Variants in MAP7 observed in about 807,000 individuals in gnomAD.
MAP7 encodes the protein ensconsin.
In MAP7, 52 loss-of-function variants were observed where a neutral mutation model predicts 94.8. The observed-to-expected ratio is 0.55, with a 90% CI of 0.44 to 0.69. The LOEUF (loss-of-function observed/expected upper bound fraction) is 0.69. Among genes scored for constraint, MAP7 ranks in the 30% least tolerant of loss-of-function variants. MAP7 has a pLI of 0.00. For missense variants in MAP7, 940 were observed against 964.6 expected, an observed-to-expected ratio of 0.97 and a Z score of 0.34; for synonymous variants, 350 against 357.0, an observed-to-expected ratio of 0.98 and a Z score of 0.22.
At chr6:136,482,788 C>T (rs920810438) in intron 1 of MAP7, among the ~76,000 whole-genome samples, 8 of 151,894 alleles carry the variant, frequency 5.3e-5, no homozygotes, top group Admixed American at 6.6e-5. Flanking sequence ...GCATGAGGTC[C>T]GAAGATGATA....
intron 3 of MAP7, among the ~76,000 whole-genome samples, chr6:136,400,096 A>G (rs1582798144): frequency 1.3e-5 from 2 of 151,264 alleles, no homozygotes; most frequent in East Asian, 1.9e-4. Context: ...CCCTCCTACA[A>G]AAAAGTTTTT....
At chr6:136,539,262 A>C (rs1829126195) in intron 1 of MAP7, among the ~76,000 whole-genome samples, 1 of 152,190 alleles carries the variant, frequency 6.6e-6, no homozygotes, top group African/African-American at 2.4e-5. Flanking sequence ...TTAAAAAGGA[A>C]GACACTGAGG....
chr6:136,482,723 C>T (rs945502431), intron 1 of MAP7, among the ~76,000 whole-genome samples: 2 of 152,128 alleles, frequency 1.3e-5, no homozygotes, highest in African/African-American at 4.8e-5. Flanking sequence ...GCACTGTCTG[C>T]TCTTACAAGA....
At chr6:136,514,445 G>T (rs912083952) in intron 1 of MAP7, among the ~76,000 whole-genome samples, 1 of 151,978 alleles carries the variant, frequency 6.6e-6, no homozygotes, top group Non-Finnish European at 1.5e-5. Flanking sequence ...AGTTAGCCAG[G>T]TGTGGTGGTG....
intron 9 of MAP7, 43 bp from the exon 10 acceptor site, chr6:136,366,061 G>A: frequency 6.3e-7 from 1 of 1,575,456 alleles, no homozygotes; most frequent in Non-Finnish European, 8.6e-7. Flanking sequence ...GGACACATGA[G>A]AACAGGCTTG....
chr6:136,439,134 CAAAATACGGTTTG>C (rs1797154344), intron 1 of MAP7, among the ~76,000 whole-genome samples: 1 of 152,066 alleles, frequency 6.6e-6, no homozygotes, highest in Non-Finnish European at 1.5e-5. Context: ...TGTATCAAAC[CAAAATACGGTTTG>C]AATGTATGTA....
chr6:136,359,374 C>T (rs1324415707), intron 15 of MAP7, among the ~76,000 whole-genome samples: 2 of 152,072 alleles, frequency 1.3e-5, no homozygotes, highest in Non-Finnish European at 2.9e-5. Flanking sequence ...AATCATTTTT[C>T]TGAGAACTTC....
chr6:136,344,176 T>G lies in MAP7; in HGVS notation c.*52A>C. ...CTTTATAGCAGGAAAGGAATTCCAT[T>G]AATTGTAGAAATTCTCATTAAATTT... is the stretch of plus-strand genomic sequence containing the variant. On this transcript the variant is annotated 3_prime_UTR_variant, in exon 18 of 18. Coordinates refer to ENST00000354570, the MANE Select transcript of MAP7 (RefSeq NM_003980.6). The G allele has an allele frequency of 9.8e-7, 1 of 1,020,106 alleles. No homozygotes were observed. Among genetic ancestry groups the G allele is most frequent in the Non-Finnish European group, 1.4e-6 (1 of 739,124 alleles). 63.2% of individuals were successfully genotyped at this position (1,020,106 alleles called of 1,614,324 possible).
intron 1 of MAP7, chr6:136,525,909 C>T (rs1827693459): frequency 6.5e-7 from 1 of 1,535,024 alleles, no homozygotes; most frequent in Non-Finnish European, 8.7e-7. Context: ...AGGAATTGGC[C>T]TTGCATTGGT....
intron 1 of MAP7, among the ~76,000 whole-genome samples, chr6:136,542,178 G>GA (rs1406080841): frequency 6.6e-6 from 1 of 152,132 alleles, no homozygotes; most frequent in Non-Finnish European, 1.5e-5. Flanking sequence ...TTACTGAAGA[G>GA]AAAATCCAAA....
Position 136,378,984 on chromosome 6 carries a change from C to T in MAP7, c.638-1116G>A, listed in dbSNP as rs147747756. ...CTCAAGCAATCCTTCCTCAGCCTCC[C>T]AAGTAGCTGGGTTTACAGGTGCATG... On this transcript the variant is annotated intron_variant, in intron 6 of 17. Transcript: ENST00000354570. Among the ~76,000 whole-genome samples, 22 of 152,244 alleles carry T rather than the reference C, an allele frequency of 1.4e-4. No homozygotes were observed. In the East Asian group the frequency reaches 3.5e-3, roughly 24 times the overall value.
chr6:136,525,804 C>T lies in MAP7; in HGVS notation c.67+24538G>A, dbSNP rs1380783349. 2.6e-6 allele frequency: 4 copies of T among 1,527,706 alleles called. 1 individual carries two copies. Among genetic ancestry groups the T allele is most frequent in the Middle Eastern group, 1.8e-4 (1 of 5,488 alleles). 94.6% of individuals were successfully genotyped at this position (1,527,706 alleles called of 1,614,324 possible). ...TGGGAGACAAGGGCTGGATCTGGCT[C>T]CGACCAAAGGGTGGAGCTAATGCAT... On this transcript the variant is annotated intron_variant, in intron 1 of 17. Coordinates refer to ENST00000354570, the MANE Select transcript of MAP7 (RefSeq NM_003980.6).
chr6:136,430,033 T>C lies in MAP7; in HGVS notation c.68-8234A>G, dbSNP rs551357974. Among the ~76,000 whole-genome samples the C allele has an allele frequency of 5.9e-5, 9 of 152,320 alleles. No individual in the cohort carries two copies. The East Asian group carries it at 1.2e-3, about 20-fold the overall frequency. ...CAAAAGGGAGGGCAAAGTCTAACCA[T>C]ATTAAAGTTTTCCAGTCACACGGAG... On this transcript the variant is annotated intron_variant, in intron 1 of 17. Coordinates refer to ENST00000354570, the MANE Select transcript of MAP7 (RefSeq NM_003980.6).
intron 1 of MAP7, among the ~76,000 whole-genome samples, chr6:136,509,910 T>C (rs1055198079): frequency 6.6e-6 from 1 of 152,136 alleles, no homozygotes; most frequent in Admixed American, 6.5e-5. Context: ...GATGTTAAGA[T>C]TGAGGTATAT....
chr6:136,542,594 G>C (rs1409844855), intron 1 of MAP7, among the ~76,000 whole-genome samples: 1 of 152,170 alleles, frequency 6.6e-6, no homozygotes, highest in African/African-American at 2.4e-5. Context: ...GAGGAAGAGA[G>C]AACTTGAATT....
intron 1 of MAP7, among the ~76,000 whole-genome samples, chr6:136,456,624 A>G (rs1476132006): frequency 6.6e-6 from 1 of 151,582 alleles, no homozygotes; most frequent in African/African-American, 2.4e-5. Flanking sequence ...GTGGTCCATG[A>G]TTATGCTATA....
In MAP7 at chr6:136,369,325, G is replaced by T. The variant is rs144097213; in HGVS notation, c.877-2886C>A. ...ACTACGACTCATGTCTGCAATCCCA[G>T]CATTTGGGGAGGCCGAGATGGGTGG... is the stretch of plus-strand genomic sequence containing the variant. On this transcript the variant is annotated intron_variant, in intron 8 of 17. Coordinates refer to ENST00000354570, the MANE Select transcript of MAP7 (RefSeq NM_003980.6). 1.7e-3 allele frequency among the ~76,000 whole-genome samples: 266 copies of T among 152,330 alleles called. 1 individual carries two copies. Among genetic ancestry groups the T allele is most frequent in the Non-Finnish European group, 2.8e-3 (191 of 68,032 alleles).
At chr6:136,421,822 A>G in intron 1 of MAP7, 23 bp from the exon 2 acceptor site, 2 of 1,555,666 alleles carry the variant, frequency 1.3e-6, no homozygotes, top group Non-Finnish European at 1.7e-6. Context: ...GACAAAAGAG[A>G]AAAGACACAT....
chr6:136,384,938 T>C (rs1481554951), intron 5 of MAP7, among the ~76,000 whole-genome samples: 1 of 152,204 alleles, frequency 6.6e-6, no homozygotes, highest in African/African-American at 2.4e-5. Flanking sequence ...AATGAAAGTC[T>C]AAAAAGTCTT....
Sources: gnomAD v4.1 joint callset for allele counts (sites outside exome capture counted in the v4.1 genomes callset) on GRCh38, gnomAD v4.1.1 for gene constraint, MANE v1.5 for transcripts, NCBI Gene and HGNC (gene_info 2026-07-23, HGNC 2026-07-21) for gene names.